The following CHD8 variants were observed in gnomAD, a reference collection of about 807,000 sequenced individuals.
CHD8 encodes the protein chromodomain helicase DNA binding protein 8.
In CHD8, 31 loss-of-function variants were observed where a neutral mutation model predicts 279.2. That is an observed-to-expected ratio of 0.11 (90% CI 0.08 to 0.15). The LOEUF is 0.15. CHD8 is among the 10% of genes least tolerant of loss of function. CHD8 has a pLI of 1.00. For synonymous variants in CHD8, 1,081 were observed against 1,139.6 expected (o/e 0.95, Z 1.04); for missense variants, 2,146 against 3,230.5 (o/e 0.66, Z 8.14).
At chr14:21,392,315 TAATAATC>T in intron 34 of CHD8, 185 bp downstream of exon 34, 1 of 761,238 alleles carries the variant, frequency 1.3e-6, no homozygotes, top group Non-Finnish European at 2.3e-6. Context: ...TTAATAGGAT[TAATAATC>T]AATAGGGTTC....
intron 5 of CHD8, among the ~76,000 whole-genome samples, chr14:21,424,388 T>C (rs1297607703): frequency 6.6e-6 from 1 of 152,242 alleles, no homozygotes; most frequent in African/African-American, 2.4e-5. Flanking sequence ...TTTCAAAGTC[T>C]TAGTAATCAT....
intron 1 of CHD8, among the ~76,000 whole-genome samples, chr14:21,433,255 G>C (rs1005998543): frequency 4.6e-5 from 7 of 152,144 alleles, no homozygotes; most frequent in African/African-American, 1.7e-4. Context: ...TTCCTATCTT[G>C]AAAACATGTC....
chr14:21,424,023 A>G (rs1465463724), intron 5 of CHD8, among the ~76,000 whole-genome samples: 1 of 152,168 alleles, frequency 6.6e-6, no homozygotes, highest in Non-Finnish European at 1.5e-5. Flanking sequence ...TACCATACAT[A>G]ATTTTTATAT....
intron 1 of CHD8, among the ~76,000 whole-genome samples, chr14:21,433,168 A>C (rs1018707984): frequency 5.3e-5 from 8 of 152,202 alleles, no homozygotes; most frequent in Non-Finnish European, 1.0e-4. Context: ...ACTTGCTCGC[A>C]TTATCTGGAG....
At chr14:21,436,752 G>A in intron 1 of CHD8, 2 of 361,568 alleles carry the variant, frequency 5.5e-6, no homozygotes, top group Admixed American at 3.6e-5. Flanking sequence ...AACTACGACA[G>A]CTAAAGACAT....
intron 1 of CHD8, chr14:21,437,224 C>T (rs1889822975): frequency 8.4e-7 from 1 of 1,185,248 alleles, no homozygotes; most frequent in Non-Finnish European, 1.1e-6. Flanking sequence ...CGGTTCGCCC[C>T]TCTCCCTGTC....
At chr14:21,425,533 C>A (rs752376630) in intron 5 of CHD8, 1 of 151,986 alleles carries the variant, frequency 6.6e-6, no homozygotes, top group Non-Finnish European at 1.5e-5. Context: ...CCACGTTGAC[C>A]GGACTGGTCT....
Position 21,402,233 on chromosome 14 carries a change from G to T in CHD8, c.3883-97C>A. 6.7e-7 allele frequency: 1 copy of T among 1,493,552 alleles called. No individual in the cohort carries two copies. The highest frequency in any genetic ancestry group is 1.2e-5 in the South Asian group (1 of 84,564). The allele number at this position is 1,493,552 out of a possible 1,614,324, so 92.5% of individuals were successfully genotyped here. On this transcript the variant is annotated intron_variant, in intron 19 of 37. Coordinates refer to ENST00000646647, the MANE Select transcript of CHD8 (RefSeq NM_001170629.2). The surrounding 1 kb of genome is among the most constrained non-coding windows in gnomAD (Gnocchi z 4.5). ...TATTATATTTTAAGAAATAATAATT[G>T]AGAATCCAAACAAGGTAGTCAAATC... is the stretch of plus-strand genomic sequence containing the variant.
chr14:21,392,620 T>C lies in CHD8; in HGVS notation c.6658A>G (p.Ser2220Gly), dbSNP rs754027111. The change falls in exon 34 of 38, where the codon AGT (serine) becomes GGT (glycine). Residue 2220 changes from serine (S) to glycine (G), a missense_variant. Ser to Gly is a moderately conservative substitution (Grantham distance 56, BLOSUM62 0). This residue lies in a region of CHD8 where 513 missense variants were observed against 637.6 expected (regional missense o/e 0.80). Transcript: ENST00000646647. ...DSPVPTPRSS[S>G]AASMAEEEAS... ...TCCTCCTCTGCCATGGAAGCTGCACTACTACTTCGTGGTGTGGGGACTGGA... is the reference window on the plus strand; with the variant it reads ...TCCTCCTCTGCCATGGAAGCTGCACCACTACTTCGTGGTGTGGGGACTGGA... 22 of 1,613,880 alleles carry C rather than the reference T, an allele frequency of 1.4e-5. No individual in the cohort carries two copies. In the East Asian group the frequency reaches 4.9e-4, roughly 36 times the overall value.
chr14:21,393,619 G>A lies in CHD8; in HGVS notation c.6176C>T (p.Pro2059Leu), dbSNP rs1887644764. ...ATCCTCATCCTCCAGTTTGACTGGTGGAACACTCCGGGAAACCAGAGGGGT... is the reference window on the plus strand; with the variant it reads ...ATCCTCATCCTCCAGTTTGACTGGTAGAACACTCCGGGAAACCAGAGGGGT... ...DTTPLVSRSV[P>L]PVKLEDEDDS... The change falls in exon 32 of 38, where the codon CCA (proline) becomes CTA (leucine). Residue 2059 changes from proline (P) to leucine (L), a missense_variant. Physicochemically the swap from Pro to Leu is moderately conservative, Grantham distance 98. Transcript: ENST00000646647. 3 of 1,613,938 alleles carry A rather than the reference G, an allele frequency of 1.9e-6. No individual in the cohort carries two copies. The highest frequency in any genetic ancestry group is 1.6e-4 in the Middle Eastern group (1 of 6,062).
rs201604061 is a variant in CHD8, at chr14:21,394,474, C to T, written c.5402G>A (p.Arg1801His). Reference protein sequence around the residue: ...RREKQQRWTRREQTDFYRVVS... With the variant: ...RREKQQRWTRHEQTDFYRVVS... ...CACTCGATAAAAATCAGTTTGTTCACGCCTTGTCCATCTACAAAAGGAAAA... is the reference window on the plus strand; with the variant it reads ...CACTCGATAAAAATCAGTTTGTTCATGCCTTGTCCATCTACAAAAGGAAAA... The change falls in exon 31 of 38, where the codon CGT becomes CAT. Residue 1801 changes from arginine to histidine, a missense_variant. By Grantham distance (29) the Arg-to-His change is conservative. Around this residue, in one of 26 missense-constraint regions of CHD8, gnomAD observed 513 missense variants for 637.6 expected, o/e 0.80. Coordinates refer to ENST00000646647, the MANE Select transcript of CHD8 (RefSeq NM_001170629.2). 876 of 1,597,362 alleles carry T rather than the reference C, an allele frequency of 5.5e-4. No homozygotes were observed. Among genetic ancestry groups the T allele is most frequent in the Admixed American group, 7.3e-4 (41 of 56,456 alleles).
intron 14 of CHD8, among the ~76,000 whole-genome samples, 180 bp downstream of exon 14, chr14:21,406,676 C>T (rs1417950514): frequency 2.6e-5 from 4 of 152,212 alleles, no homozygotes; most frequent in Non-Finnish European, 2.9e-5. Context: ...CACTAAACTT[C>T]CCAATTCTAA....
At position 21,394,268 on chromosome 14, in the gene CHD8, C is replaced by A; in HGVS notation, c.5599+9G>T. 7 of 1,613,924 alleles carry A rather than the reference C, an allele frequency of 4.3e-6. No homozygotes were observed. The highest frequency in any genetic ancestry group is 5.1e-6 in the Non-Finnish European group (6 of 1,179,868). ...CATCCATCCTCACCCACTCTGCAAT[C>A]TTGCTTACCATCTCCAGCTGCTGGG... On this transcript the variant is annotated intron_variant, in intron 31 of 37. Coordinates refer to ENST00000646647, the MANE Select transcript of CHD8 (RefSeq NM_001170629.2).
At chr14:21,425,937 A>G (rs1030956034) in intron 5 of CHD8, 191 bp downstream of exon 5, 1 of 553,264 alleles carries the variant, frequency 1.8e-6, no homozygotes, top group African/African-American at 1.9e-5. Context: ...ACTCTGTCTC[A>G]AGAAGAAGAA....
intron 3 of CHD8, 51 bp from the exon 4 acceptor site, chr14:21,428,305 T>A: frequency 6.4e-7 from 1 of 1,561,574 alleles, no homozygotes; most frequent in Admixed American, 1.8e-5. Context: ...TTAAATGGCC[T>A]AAATAAAATC....
chr14:21,386,201 TA>T, intron 37 of CHD8, 25 bp from the exon 38 acceptor site: 2 of 1,522,750 alleles, frequency 1.3e-6, no homozygotes, highest in Non-Finnish European at 1.8e-6. Context: ...TAGAAGATAA[TA>T]AAAAGAAAGA....
At chr14:21,425,911 T>G in intron 5 of CHD8, 2 of 501,468 alleles carry the variant, frequency 4.0e-6, no homozygotes. Flanking sequence ...ACTTCAGGCC[T>G]GGGTGAGAGA....
intron 1 of CHD8, among the ~76,000 whole-genome samples, chr14:21,447,956 T>C (rs1890167861): frequency 6.6e-6 from 1 of 152,200 alleles, no homozygotes; most frequent in African/African-American, 2.4e-5. Flanking sequence ...CACCTTATAC[T>C]ACCACTTTTG....
chr14:21,428,871 C>T, intron 3 of CHD8, 93 bp downstream of exon 3: 3 of 1,129,948 alleles, frequency 2.7e-6, no homozygotes, highest in Non-Finnish European at 3.8e-6. Flanking sequence ...TCTAGAATGG[C>T]CCCACATTCA....
Sources: gnomAD v4.1 joint callset for allele counts (sites outside exome capture counted in the v4.1 genomes callset) on GRCh38, gnomAD v4.1.1 for gene constraint, gnomAD v4.1.1 regional missense constraint, Gnocchi (gnomAD v3.1) non-coding constraint, MANE v1.5 for transcripts, NCBI Gene and HGNC (gene_info 2026-07-23, HGNC 2026-07-21) for gene names.